DNAJC11: variants seen among roughly 807,000 people sequenced by gnomAD.
The protein encoded by DNAJC11 is dnaJ homolog subfamily C member 11.
A neutral mutation model predicts 78.6 loss-of-function variants in DNAJC11; 15 were observed. The ratio of observed to expected loss-of-function variants is 0.19; its 90% CI spans 0.13 to 0.29. The LOEUF (loss-of-function observed/expected upper bound fraction) is 0.29, where lower values mean the gene tolerates loss of function less well. Ranked by LOEUF, DNAJC11 falls within the 10% of genes least tolerant of loss-of-function variation. The probability of loss-of-function intolerance (pLI) is 1.00; values close to 1 mark genes in which losing one functional copy is unlikely to be tolerated. For synonymous variants in DNAJC11, 292 were observed against 272.1 expected, an observed-to-expected ratio of 1.07 and a Z score of -0.72; for missense variants, 547 against 709.6, an observed-to-expected ratio of 0.77 and a Z score of 2.60.
chr1:6,634,182 A>G lies in DNAJC11; in HGVS notation c.*1493T>C, dbSNP rs1010306320. The G allele has an allele frequency of 7.2e-6, 9 of 1,254,664 alleles. No homozygotes were observed. In the South Asian group the frequency reaches 1.2e-4, roughly 16 times the overall value. 77.7% of individuals were successfully genotyped at this position (1,254,664 alleles called of 1,614,324 possible). A position where few individuals can be genotyped will look rare whatever the true frequency, so the allele number is the denominator to read the frequency against. ...GAGCGCCAGCCTCTGCTTTCAGGAA[A>G]GGTTTATTGTGGTGAGTGCCTTCTG... On this transcript the variant is annotated 3_prime_UTR_variant, in exon 16 of 16. Coordinates refer to ENST00000377577, the MANE Select transcript of DNAJC11 (RefSeq NM_018198.4).
In DNAJC11 at chr1:6,701,805, G is replaced by A. The variant is rs1553132558; in HGVS notation, c.-5C>T. On this transcript the variant is annotated 5_prime_UTR_variant, in exon 1 of 16. Coordinates refer to ENST00000377577, the MANE Select transcript of DNAJC11 (RefSeq NM_018198.4). ...CTCGCTCAAGGCCGTCGCCATCTTC[G>A]CAACCTTTCACCCCGCCAAACCGGC... 1.3e-6 allele frequency: 2 copies of A among 1,556,306 alleles called. No homozygotes were observed. Among genetic ancestry groups the A allele is most frequent in the Non-Finnish European group, 1.7e-6 (2 of 1,154,098 alleles).
intron 7 of DNAJC11, among the ~76,000 whole-genome samples, chr1:6,648,164 CTTTTTTTT>C (rs1188169555): frequency 1.3e-5 from 2 of 151,748 alleles, no homozygotes; most frequent in Non-Finnish European, 2.9e-5. Flanking sequence ...AGCTTTTTTT[CTTTTTTTT>C]GAGACAGAGT....
intron 7 of DNAJC11, among the ~76,000 whole-genome samples, chr1:6,649,508 C>G (rs1362870385): frequency 1.3e-5 from 2 of 152,094 alleles, no homozygotes; most frequent in Non-Finnish European, 2.9e-5. Context: ...CTCCGCCTGC[C>G]CCACAGGCCA....
chr1:6,700,138 G>A (rs1188730520), intron 1 of DNAJC11, among the ~76,000 whole-genome samples: 3 of 152,238 alleles, frequency 2.0e-5, no homozygotes, highest in Non-Finnish European at 2.9e-5. Context: ...CCCCGCCCTT[G>A]TGATAATGTA....
intron 1 of DNAJC11, among the ~76,000 whole-genome samples, chr1:6,682,587 A>T (rs1479472079): frequency 6.6e-6 from 1 of 152,058 alleles, no homozygotes; most frequent in Non-Finnish European, 1.5e-5. Context: ...GGCGTGGGTG[A>T]CCTCCAGGAG....
Position 6,683,226 on chromosome 1 carries a change from G to A in DNAJC11, c.73-2189C>T, listed in dbSNP as rs927987261. On this transcript the variant is annotated intron_variant, in intron 1 of 15. Coordinates refer to ENST00000377577, the MANE Select transcript of DNAJC11 (RefSeq NM_018198.4). The stretch of plus-strand genomic sequence containing the variant: ...CCTGTCTTCCAGCCATGCTCATGTG[G>A]TTCGCTCTGGGGCAACACAGCCTTC... 5.9e-5 allele frequency among the ~76,000 whole-genome samples: 9 copies of A among 152,182 alleles called. No individual in the cohort carries two copies. The East Asian group carries it at 1.7e-3, about 29-fold the overall frequency.
rs1311358507 is a variant in DNAJC11, at chr1:6,667,617, A to G, written c.378+92T>C. The G allele has an allele frequency of 2.9e-6, 3 of 1,047,108 alleles. No individual in the cohort carries two copies. The East Asian group carries it at 7.3e-5, about 25-fold the overall frequency. 64.9% of individuals were successfully genotyped at this position (1,047,108 alleles called of 1,614,324 possible). ...CACCAGCTTGTATGTTTTTACTTTAACAATCCACCAGCACCTCATTATTTC... is the reference window on the plus strand; with the variant it reads ...CACCAGCTTGTATGTTTTTACTTTAGCAATCCACCAGCACCTCATTATTTC... On this transcript the variant is annotated intron_variant, in intron 4 of 15. Coordinates refer to ENST00000377577, the MANE Select transcript of DNAJC11 (RefSeq NM_018198.4).
intron 6 of DNAJC11, 97 bp from the exon 7 acceptor site, chr1:6,651,699 C>A: frequency 1.1e-6 from 1 of 875,854 alleles, no homozygotes; most frequent in Non-Finnish European, 1.9e-6. Context: ...TTCCTTCATT[C>A]AATTCACTGG....
intron 1 of DNAJC11, among the ~76,000 whole-genome samples, chr1:6,692,310 C>T (rs1356095034): frequency 2.0e-5 from 3 of 152,032 alleles, no homozygotes; most frequent in Non-Finnish European, 4.4e-5. Context: ...TCCTCAACAG[C>T]CCCCTCCCTG....
chr1:6,646,337 A>G (rs1641965435), intron 7 of DNAJC11, among the ~76,000 whole-genome samples: 1 of 152,214 alleles, frequency 6.6e-6, no homozygotes, highest in Non-Finnish European at 1.5e-5. Context: ...CATATTAAGC[A>G]GTCCAAGACA....
At chr1:6,647,993 T>C (rs1388468648) in intron 7 of DNAJC11, among the ~76,000 whole-genome samples, 1 of 152,152 alleles carries the variant, frequency 6.6e-6, no homozygotes, top group Admixed American at 6.5e-5. Context: ...CCCCAAACTC[T>C]TGGTGACCAC....
At chr1:6,644,499 G>A in intron 10 of DNAJC11, 59 bp downstream of exon 10, 2 of 1,235,942 alleles carry the variant, frequency 1.6e-6, no homozygotes, top group South Asian at 1.2e-5. Context: ...CTTGGGTAAA[G>A]CCTGGTTGAG....
chr1:6,653,750 G>T lies in DNAJC11; in HGVS notation c.507+161C>A. 1.1e-6 allele frequency: 1 copy of T among 939,872 alleles called. No homozygotes were observed. Among genetic ancestry groups the T allele is most frequent in the Non-Finnish European group, 1.5e-6 (1 of 651,210 alleles). The allele number at this position is 939,872 out of a possible 1,614,324, so 58.2% of individuals were successfully genotyped here. A position where few individuals can be genotyped will look rare whatever the true frequency, so the allele number is the denominator to read the frequency against. On this transcript the variant is annotated intron_variant, in intron 5 of 15. Transcript: ENST00000377577. The surrounding 1 kb of genome is among the most constrained non-coding windows in gnomAD (Gnocchi z 4.5). ...ACATGCCAGCACAGCGGTAACACAC[G>T]GCTGGGAATGAAGCGCTTTCTTTTT...
Position 6,636,202 on chromosome 1 carries a change from C to T in DNAJC11, c.1569G>A (p.Lys523=), listed in dbSNP as rs1268529725. The part of the protein sequence containing the change: ...GFYDPCVGEE[K]NLKVLYQFRG... ...GGAACTGATAGAGCACTTTCAGGTT[C>T]TTCTCTTCCCCCACACACGGGTCAT... Residue 523 remains lysine, a synonymous_variant, in exon 15 of 16, where the codon AAG becomes AAA. Transcript: ENST00000377577. The T allele has an allele frequency of 1.2e-5, 20 of 1,614,028 alleles. No homozygotes were observed. Among genetic ancestry groups the T allele is most frequent in the Non-Finnish European group, 1.6e-5 (19 of 1,180,040 alleles).
chr1:6,660,072 A>C (rs1178441964), intron 4 of DNAJC11, among the ~76,000 whole-genome samples: 66 of 150,776 alleles, frequency 4.4e-4, no homozygotes, highest in African/African-American at 1.4e-3. Flanking sequence ...AAAAAAAAAA[A>C]CCAAAATCAA....
At chr1:6,682,569 T>G (rs977591826) in intron 1 of DNAJC11, among the ~76,000 whole-genome samples, 1 of 151,726 alleles carries the variant, frequency 6.6e-6, no homozygotes, top group African/African-American at 2.4e-5. Flanking sequence ...ATCTGAGGAG[T>G]AGGTGATGGC....
intron 3 of DNAJC11, 97 bp from the exon 4 acceptor site, chr1:6,667,907 C>T: frequency 8.7e-7 from 1 of 1,142,888 alleles, no homozygotes; most frequent in Non-Finnish European, 1.3e-6. Flanking sequence ...TGTGTGCATG[C>T]TGCCTGGGGT....
At chr1:6,689,713 T>C (rs895570222) in intron 1 of DNAJC11, among the ~76,000 whole-genome samples, 3 of 149,966 alleles carry the variant, frequency 2.0e-5, no homozygotes, top group African/African-American at 7.4e-5. Flanking sequence ...GAGGCGGAGG[T>C]TGTGGTGAGC....
rs189214760 is a variant in DNAJC11 at position 6,635,627 on chromosome 1, C to A, written c.*48G>T. The A allele has an allele frequency of 7.1e-5, 114 of 1,608,152 alleles. No homozygotes were observed. The highest frequency in any genetic ancestry group is 8.6e-5 in the Non-Finnish European group (101 of 1,175,978). On this transcript the variant is annotated 3_prime_UTR_variant, in exon 16 of 16. Coordinates refer to ENST00000377577, the MANE Select transcript of DNAJC11 (RefSeq NM_018198.4). The stretch of plus-strand genomic sequence containing the variant: ...TTTTCATTTCCAAATTTGTAGACTC[C>A]CAGGAAAAGATTTTTTGCGGCCTTT...
Sources: allele counts gnomAD v4.1 joint callset (sites outside exome capture counted in the v4.1 genomes callset), GRCh38; gene constraint gnomAD v4.1.1; non-coding constraint Gnocchi (gnomAD v3.1); transcripts MANE v1.5; gene names NCBI Gene and HGNC (gene_info 2026-07-23, HGNC 2026-07-21).